ANTXR1: variants seen among roughly 807,000 people sequenced by gnomAD.
The protein encoded by ANTXR1 is anthrax toxin receptor 1.
Under a neutral mutation model 78.1 loss-of-function variants are expected in ANTXR1, and 19 were observed. The ratio of observed to expected loss-of-function variants is 0.24; its 90% CI spans 0.17 to 0.36. The LOEUF (loss-of-function observed/expected upper bound fraction) is 0.36, where lower values mean the gene tolerates loss of function less well. Among genes scored for constraint, ANTXR1 ranks in the 10% least tolerant of loss-of-function variants. ANTXR1 has a pLI of 1.00. For synonymous variants in ANTXR1, 273 were observed against 260.5 expected, an observed-to-expected ratio of 1.05 and a Z score of -0.46; for missense variants, 518 against 718.6, an observed-to-expected ratio of 0.72 and a Z score of 3.19.
intron 17 of ANTXR1, among the ~76,000 whole-genome samples, chr2:69,244,574 G>A (rs1675969025): frequency 6.6e-6 from 1 of 152,172 alleles, no homozygotes; most frequent in African/African-American, 2.4e-5. Flanking sequence ...GTTTGAGGGG[G>A]CACAGACGAG....
intron 17 of ANTXR1, among the ~76,000 whole-genome samples, chr2:69,197,476 A>G (rs947485982): frequency 1.3e-5 from 2 of 152,210 alleles, no homozygotes; most frequent in African/African-American, 4.8e-5. Context: ...ATTGCTGGTC[A>G]TGCCCTGAAC....
chr2:69,060,783 C>T (rs1431224644), intron 3 of ANTXR1, among the ~76,000 whole-genome samples: 1 of 151,990 alleles, frequency 6.6e-6, no homozygotes, highest in Non-Finnish European at 1.5e-5. Flanking sequence ...AAAGTCAGAG[C>T]AGAGTGGGTT....
intron 17 of ANTXR1, among the ~76,000 whole-genome samples, chr2:69,197,087 A>G (rs111961685): frequency 3.5e-4 from 54 of 152,206 alleles, no homozygotes; most frequent in African/African-American, 1.2e-3. Flanking sequence ...TCCATCTGCC[A>G]TCACCCGTCT....
chr2:69,094,517 A>G (rs976024134), intron 9 of ANTXR1, among the ~76,000 whole-genome samples: 2 of 152,252 alleles, frequency 1.3e-5, no homozygotes, highest in Non-Finnish European at 2.9e-5. Context: ...CTTTGCCTTC[A>G]TCGAAAACCT....
intron 17 of ANTXR1, among the ~76,000 whole-genome samples, chr2:69,213,140 A>T: frequency 6.6e-6 from 1 of 151,926 alleles, no homozygotes; most frequent in East Asian, 1.9e-4. Flanking sequence ...ATAACATACA[A>T]AGTGCAAATT....
chr2:69,071,717 G>C (rs375431600), intron 4 of ANTXR1, 37 bp from the exon 5 acceptor site: 22 of 1,611,020 alleles, frequency 1.4e-5, no homozygotes, highest in Non-Finnish European at 1.9e-5. Flanking sequence ...GACAAACAGT[G>C]GTTATAAGTC....
intron 1 of ANTXR1, among the ~76,000 whole-genome samples, chr2:69,017,059 A>T (rs1278950097): frequency 1.3e-5 from 2 of 152,180 alleles, no homozygotes; most frequent in African/African-American, 4.8e-5. Flanking sequence ...TTGCTGGAAG[A>T]GAAGGATATT....
intron 16 of ANTXR1, among the ~76,000 whole-genome samples, chr2:69,191,322 T>C (rs1027243859): frequency 6.6e-6 from 1 of 152,246 alleles, no homozygotes; most frequent in African/African-American, 2.4e-5. Flanking sequence ...AACACAATTT[T>C]ATATGTGTAT....
intron 16 of ANTXR1, among the ~76,000 whole-genome samples, chr2:69,189,510 G>A (rs6760529): frequency 0.53 from 80,493 of 152,112 alleles, 24,762 homozygotes; most frequent in East Asian, 0.84. Flanking sequence ...TGGGCTCACA[G>A]TAAAATTCTT....
intron 10 of ANTXR1, among the ~76,000 whole-genome samples, chr2:69,119,299 C>G (rs1166372661): frequency 5.9e-5 from 9 of 152,152 alleles, no homozygotes; most frequent in Admixed American, 2.6e-4. Context: ...CGGCGTGACC[C>G]AGCTCTCCCC....
chr2:69,097,311 G>T (rs1671461163), intron 9 of ANTXR1, among the ~76,000 whole-genome samples: 1 of 152,212 alleles, frequency 6.6e-6, no homozygotes, highest in Non-Finnish European at 1.5e-5. Flanking sequence ...AGAACTGGAA[G>T]GAAGTTATAA....
intron 17 of ANTXR1, among the ~76,000 whole-genome samples, chr2:69,197,929 G>A (rs1012977339): frequency 1.3e-5 from 2 of 152,148 alleles, no homozygotes; most frequent in Non-Finnish European, 2.9e-5. Context: ...TTCTTATCAC[G>A]TCACCATTGT....
chr2:69,215,576 T>C (rs1675154792), intron 17 of ANTXR1, among the ~76,000 whole-genome samples: 1 of 152,256 alleles, frequency 6.6e-6, no homozygotes, highest in Admixed American at 6.5e-5. Flanking sequence ...CAGTGAATAA[T>C]TATTGAATTA....
intron 2 of ANTXR1, 83 bp from the exon 3 acceptor site, chr2:69,044,659 A>T (rs1480555753): frequency 6.3e-6 from 9 of 1,437,510 alleles, no homozygotes; most frequent in Non-Finnish European, 8.8e-6. Context: ...CGTGATAGAA[A>T]GGGAAGGACA....
chr2:69,133,022 T>G lies in ANTXR1; in HGVS notation c.951+8379T>G, dbSNP rs185771591. On this transcript the variant is annotated intron_variant, in intron 12 of 17. Transcript: ENST00000303714. ...ACTCGTGAACCTTTAGATAAGTCAA[T>G]GGACACAAACATGGCACGCTCTGAG... Among the ~76,000 whole-genome samples the G allele has an allele frequency of 2.0e-5, 3 of 152,336 alleles. No homozygotes were observed. The East Asian group carries it at 5.8e-4, about 29-fold the overall frequency.
chr2:69,096,051 G>A (rs1671388571), intron 9 of ANTXR1, among the ~76,000 whole-genome samples: 1 of 151,984 alleles, frequency 6.6e-6, no homozygotes, highest in South Asian at 2.1e-4. Flanking sequence ...GAGATCAGGA[G>A]ATCGAGACCA....
chr2:69,066,594 G>A (rs1480987601), intron 3 of ANTXR1, among the ~76,000 whole-genome samples: 1 of 152,162 alleles, frequency 6.6e-6, no homozygotes, highest in African/African-American at 2.4e-5. Flanking sequence ...TAGAACAACA[G>A]AAAGCCCAGA....
intron 16 of ANTXR1, among the ~76,000 whole-genome samples, 190 bp from the exon 17 acceptor site, chr2:69,193,142 CTCT>C (rs1372534103): frequency 2.6e-5 from 4 of 152,286 alleles, no homozygotes; most frequent in African/African-American, 9.6e-5. Context: ...TCCTGTGTGT[CTCT>C]TCTTCTCCTC....
chr2:69,039,202 C>T (rs902954208), intron 1 of ANTXR1, among the ~76,000 whole-genome samples: 8 of 151,866 alleles, frequency 5.3e-5, no homozygotes, highest in Admixed American at 3.9e-4. Flanking sequence ...AGAGTGGGTT[C>T]GAATAGAAAA....
Sources: gnomAD v4.1 joint callset for allele counts (sites outside exome capture counted in the v4.1 genomes callset) on GRCh38, gnomAD v4.1.1 for gene constraint, MANE v1.5 for transcripts, NCBI Gene and HGNC (gene_info 2026-07-23, HGNC 2026-07-21) for gene names.